Variants in NCAPH2 observed in about 807,000 individuals in gnomAD.
NCAPH2 encodes the protein non-SMC condensin II complex subunit H2, also known as condensin-2 complex subunit H2.
NCAPH2 carries 56 observed loss-of-function variants against 88.6 expected under a neutral mutation model. The observed-to-expected ratio is 0.63, with a 90% CI of 0.51 to 0.79. The LOEUF (loss-of-function observed/expected upper bound fraction) is 0.79, where lower values mean the gene tolerates loss of function less well. Among genes scored for constraint, NCAPH2 ranks in the 30% least tolerant of loss-of-function variants. The pLI is 0.00. For missense variants in NCAPH2, 794 were observed against 792.0 expected, an observed-to-expected ratio of 1.00 and a Z score of -0.03; for synonymous variants, 378 against 313.6, an observed-to-expected ratio of 1.21 and a Z score of -2.17.
chr22:50,516,658 C>G (rs1487251231), intron 2 of NCAPH2, 110 bp downstream of exon 2: 12 of 917,148 alleles, frequency 1.3e-5, no homozygotes, highest in Admixed American at 1.0e-4. Context: ...CTACCTCCCT[C>G]TCTCCTCAGG....
chr22:50,519,930 G>GT (rs1556478464), intron 9 of NCAPH2, among the ~76,000 whole-genome samples: 1 of 152,088 alleles, frequency 6.6e-6, no homozygotes, highest in Non-Finnish European at 1.5e-5. Context: ...GAGTGCAGTG[G>GT]TGCGATCTTG....
At chr22:50,510,825 A>G (rs1047220563) in intron 1 of NCAPH2, among the ~76,000 whole-genome samples, 2 of 151,346 alleles carry the variant, frequency 1.3e-5, no homozygotes, top group Non-Finnish European at 1.5e-5. Flanking sequence ...TACACACTTT[A>G]GAATGTTTAT....
intron 18 of NCAPH2, 32 bp from the exon 19 acceptor site, chr22:50,522,985 C>G: frequency 1.9e-6 from 3 of 1,607,524 alleles, no homozygotes; most frequent in Non-Finnish European, 2.5e-6. Context: ...CCTTGCCTCT[C>G]TCCGCAGCCA....
chr22:50,513,483 C>T (rs1326670912), intron 1 of NCAPH2, among the ~76,000 whole-genome samples: 3 of 152,224 alleles, frequency 2.0e-5, no homozygotes, highest in Admixed American at 2.0e-4. Context: ...CTTAGGGAGG[C>T]CGAGGTGGCT....
Position 50,524,349 on chromosome 22 carries a change from G to A in NCAPH2, c.*974G>A. The stretch of plus-strand genomic sequence containing the variant: ...CCTGGCCTCCCAGGGTCCCAGGGAG[G>A]ACCCGAGGCTTGAGCTGAGAGAGCC... On this transcript the variant is annotated 3_prime_UTR_variant, in exon 20 of 20. Transcript: ENST00000420993. The A allele has an allele frequency of 6.2e-7, 1 of 1,602,034 alleles. No individual in the cohort carries two copies. The highest frequency in any genetic ancestry group is 1.1e-5 in the South Asian group (1 of 91,074).
intron 7 of NCAPH2, 45 bp downstream of exon 7, chr22:50,518,323 T>C (rs769624259): frequency 1.3e-6 from 2 of 1,596,290 alleles, no homozygotes; most frequent in Admixed American, 1.7e-5. Flanking sequence ...GAAGGGAGGG[T>C]CTTCTGGTTG....
At chr22:50,519,671 C>T in intron 9 of NCAPH2, 2 of 1,127,214 alleles carry the variant, frequency 1.8e-6, no homozygotes, top group Non-Finnish European at 1.1e-6. Context: ...ATTGCTGCCT[C>T]CCTCAACCCC....
rs367739288 is a variant in NCAPH2 at position 50,521,872 on chromosome 22, C to T, written c.1108+24C>T. On this transcript the variant is annotated intron_variant, in intron 12 of 19. Transcript: ENST00000420993. ...CTGTGAGTGGGTGTGGTGTGCACTC[C>T]GGACCACTGGGAGCTGGGGGCTGGG... 48 of 1,613,220 alleles carry T rather than the reference C, an allele frequency of 3.0e-5. No individual in the cohort carries two copies. The African/African-American group carries it at 3.1e-4, about 10-fold the overall frequency.
Position 50,524,256 on chromosome 22 carries a change from G to A in NCAPH2, c.*881G>A. On this transcript the variant is annotated 3_prime_UTR_variant, in exon 20 of 20. Transcript: ENST00000420993. Reference sequence around the variant, plus strand: ...GCCGGGTTCGAAGCCCAGGGCCCTGGGGCTGGCCCTGCCCACCTGTCTCTG... The same window carrying A: ...GCCGGGTTCGAAGCCCAGGGCCCTGAGGCTGGCCCTGCCCACCTGTCTCTG... The A allele has an allele frequency of 6.2e-7, 1 of 1,605,306 alleles. No individual in the cohort carries two copies. Among genetic ancestry groups the A allele is most frequent in the South Asian group, 1.1e-5 (1 of 91,048 alleles).
rs1667172927 is a variant in NCAPH2, at chr22:50,516,562, G to A, written c.210+14G>A. On this transcript the variant is annotated intron_variant, in intron 2 of 19. Transcript: ENST00000420993. ...TACAGTAAGAAGGTGGGCCCTGCTT[G>A]ACGCTGGTCTTGGCATTTTGGTGGC... The A allele has an allele frequency of 6.2e-7, 1 of 1,611,862 alleles. No homozygotes were observed. Among genetic ancestry groups the A allele is most frequent in the African/African-American group, 1.4e-5 (1 of 74,044 alleles).
chr22:50,510,736 G>A (rs1342492589), intron 1 of NCAPH2, among the ~76,000 whole-genome samples: 2 of 151,870 alleles, frequency 1.3e-5, no homozygotes, highest in Non-Finnish European at 2.9e-5. Flanking sequence ...GGCTGACTGA[G>A]TCCTTTTCAT....
intron 4 of NCAPH2, 27 bp from the exon 5 acceptor site, chr22:50,517,714 G>C (rs369000915): frequency 6.2e-7 from 1 of 1,614,024 alleles, no homozygotes; most frequent in East Asian, 2.2e-5. Context: ...CCTGGGCTCC[G>C]CCCCCACGAG....
intron 16 of NCAPH2, 38 bp from the exon 17 acceptor site, chr22:50,522,633 G>C (rs1569521236): frequency 1.2e-6 from 2 of 1,613,530 alleles, no homozygotes; most frequent in Admixed American, 3.3e-5. Flanking sequence ...GGAGAGCGTG[G>C]CCCCTTAGCT....
At chr22:50,510,112 A>G (rs889709837) in intron 1 of NCAPH2, among the ~76,000 whole-genome samples, 1 of 152,110 alleles carries the variant, frequency 6.6e-6, no homozygotes, top group Non-Finnish European at 1.5e-5. Flanking sequence ...TAGTAGAGAC[A>G]GGGTTTCACC....
chr22:50,508,926 C>T (rs141744057), intron 1 of NCAPH2, among the ~76,000 whole-genome samples: 1 of 152,204 alleles, frequency 6.6e-6, no homozygotes, highest in African/African-American at 2.4e-5. Context: ...CTGTGTTAAG[C>T]TGTCTGCTCC....
At position 50,522,191 on chromosome 22, in the gene NCAPH2, C is replaced by G. The variant is rs2069123771; in HGVS notation, c.1173C>G (p.Val391=). Residue 391 remains valine (V), a synonymous_variant, in exon 14 of 20, where the codon GTC becomes GTG. Coordinates refer to ENST00000420993, the MANE Select transcript of NCAPH2 (RefSeq NM_152299.4). ...RKGPSFADME[V]LYWTHVKEQL... is the part of the protein sequence containing the mutation. Reference sequence around the variant, plus strand: ...GGCCTTTGTCTGCAGACATGGAGGTCCTGTACTGGACACACGTGAAGGAGC... The same window carrying G: ...GGCCTTTGTCTGCAGACATGGAGGTGCTGTACTGGACACACGTGAAGGAGC... 1 of 1,613,552 alleles carries G rather than the reference C, an allele frequency of 6.2e-7. No individual in the cohort carries two copies. The highest frequency in any genetic ancestry group is 1.3e-5 in the African/African-American group (1 of 74,932).
chr22:50,521,157 C>A, intron 10 of NCAPH2, 121 bp downstream of exon 10: 1 of 1,157,878 alleles, frequency 8.6e-7, no homozygotes, highest in Non-Finnish European at 1.2e-6. Flanking sequence ...TGGCCCTTTG[C>A]ACTTGCTCTC....
chr22:50,511,290 T>G, intron 1 of NCAPH2, among the ~76,000 whole-genome samples: 1 of 139,660 alleles, frequency 7.2e-6, no homozygotes, highest in Middle Eastern at 3.5e-3. Context: ...AGCCTCTTTT[T>G]TTTTTTTTTT....
At chr22:50,515,545 C>T (rs1038474788) in intron 1 of NCAPH2, among the ~76,000 whole-genome samples, 11 of 152,048 alleles carry the variant, frequency 7.2e-5, no homozygotes, top group South Asian at 2.1e-4. Flanking sequence ...TACAGGCGCC[C>T]GCCACCACGC....
Sources: gnomAD v4.1 joint callset for allele counts (sites outside exome capture counted in the v4.1 genomes callset) on GRCh38, gnomAD v4.1.1 for gene constraint, MANE v1.5 for transcripts, NCBI Gene and HGNC (gene_info 2026-07-23, HGNC 2026-07-21) for gene names.